Variants in SLC19A1 observed in about 807,000 individuals in gnomAD.
The protein encoded by SLC19A1 is solute carrier family 19 member 1, also known as reduced folate transporter.
A neutral mutation model predicts 35.3 loss-of-function variants in SLC19A1; 37 were observed. The observed-to-expected ratio is 1.05, with a 90% CI of 0.81 to 1.38. The LOEUF is 1.38. SLC19A1 is among the 40% of genes most tolerant of loss of function. SLC19A1 has a pLI of 0.00. For missense variants in SLC19A1, 831 were observed against 826.9 expected (o/e 1.00, Z -0.06); for synonymous variants, 460 against 398.5 (o/e 1.15, Z -1.84).
chr21:45,528,109 CA>C (rs2077712638), intron 4 of SLC19A1, among the ~76,000 whole-genome samples: 2 of 150,312 alleles, frequency 1.3e-5, no homozygotes, highest in Non-Finnish European at 3.0e-5. Flanking sequence ...GGCAGGCAGG[CA>C]GGCCGGCAGC....
chr21:45,506,311 G>GCC lies in SLC19A1; in HGVS notation c.498-7701_498-7700dup, dbSNP rs1390286743. 130 of 368,486 alleles carry GCC rather than the reference G, an allele frequency of 3.5e-4. 1 individual carries two copies. The East Asian group carries it at 8.7e-3, about 25-fold the overall frequency. 22.8% of individuals were successfully genotyped at this position (368,486 alleles called of 1,614,324 possible). ...GGGACGAGGCGGCAGGGGGGCTCAG[G>GCC]CCCTCCAGGGCCACGTGACGTCCAC... On this transcript the variant is annotated intron_variant, in intron 3 of 4. Coordinates refer to the SLC19A1 transcript ENST00000417954.
At chr21:45,503,178 G>C (rs1356274501) in intron 3 of SLC19A1, among the ~76,000 whole-genome samples, 1 of 152,164 alleles carries the variant, frequency 6.6e-6, no homozygotes, top group East Asian at 1.9e-4. Flanking sequence ...CTAGTTTACA[G>C]TCCCACCAAC....
rs58836581 is a variant in SLC19A1, at chr21:45,515,870, C to T, written c.1564G>A (p.Asp522Asn). ...GPASLEQRQS[D>N]PYLAQAPAPQ... ...GCCGGGGCCTGGGCCAGGTATGGGT[C>T]GCTCTGTCTCTGCTCCAGGGAGGCT... is the stretch of plus-strand genomic sequence containing the variant. Residue 522 changes from aspartate to asparagine, a missense_variant, in exon 6 of 6, where the codon GAC becomes AAC. Coordinates refer to ENST00000311124, the MANE Select transcript of SLC19A1 (RefSeq NM_194255.4). The T allele has an allele frequency of 2.7e-4, 421 of 1,580,390 alleles. 1 individual carries two copies. Among genetic ancestry groups the T allele is most frequent in the African/African-American group, 2.4e-3 (182 of 74,292 alleles).
In SLC19A1 at chr21:45,534,392, G is replaced by C; in HGVS notation, c.190-2244C>G. Reference sequence around the variant, plus strand: ...CCCCCAGACACAGGAGGCTGCGTGGGGGCATGACAGCCCCAGCCCCTGGCC... The same window carrying C: ...CCCCCAGACACAGGAGGCTGCGTGGCGGCATGACAGCCCCAGCCCCTGGCC... On this transcript the variant is annotated intron_variant, in intron 2 of 5. Coordinates refer to ENST00000311124, the MANE Select transcript of SLC19A1 (RefSeq NM_194255.4). The surrounding 1 kb of genome is among the most constrained non-coding windows in gnomAD (Gnocchi z 4.2). 2 of 658,742 alleles carry C rather than the reference G, an allele frequency of 3.0e-6. No homozygotes were observed. Among genetic ancestry groups the C allele is most frequent in the Non-Finnish European group, 5.2e-6 (2 of 385,376 alleles). 40.8% of individuals were successfully genotyped at this position (658,742 alleles called of 1,614,324 possible).
rs771218061 is a variant in SLC19A1, at chr21:45,504,468, C to CT, written c.498-5857_498-5856insA. The CT allele has an allele frequency of 9.3e-6, 15 of 1,609,458 alleles. No individual in the cohort carries two copies. The highest frequency in any genetic ancestry group is 1.3e-5 in the African/African-American group (1 of 74,662). ...GGACAGAAAGGCGAAAGGGGGGAGC[C>CT]CGGGGGCGGCGGTTTCTTCGGCTCC... On this transcript the variant is annotated intron_variant, in intron 3 of 4. Transcript: ENST00000417954.
In SLC19A1 at chr21:45,515,893, G is replaced by T. The variant is rs370343074; in HGVS notation, c.1541C>A (p.Ala514Asp). The T allele has an allele frequency of 1.3e-6, 2 of 1,559,866 alleles. No homozygotes were observed. Among genetic ancestry groups the T allele is most frequent in the African/African-American group, 2.7e-5 (2 of 73,474 alleles). The change falls in exon 6 of 6, where the codon GCC becomes GAC. Residue 514 changes from alanine (A) to aspartate (D), a missense_variant. Physicochemically the swap from Ala to Asp is moderately radical, Grantham distance 126. Transcript: ENST00000311124. The part of the protein sequence containing the change: ...PEDSLGAVGP[A>D]SLEQRQSDPY... The stretch of plus-strand genomic sequence containing the variant: ...GTCGCTCTGTCTCTGCTCCAGGGAG[G>T]CTGGCCCCACAGCCCCCAGGCTGTC...
chr21:45,511,113 C>T (rs747253925), downstream of SLC19A1: 107 of 1,541,374 alleles, frequency 6.9e-5, no homozygotes, highest in African/African-American at 3.9e-4. Context: ...TCTTCCAGGA[C>T]GAGCTGCTGT....
chr21:45,539,684 A>G (rs2078242896), intron 1 of SLC19A1, among the ~76,000 whole-genome samples: 1 of 152,190 alleles, frequency 6.6e-6, no homozygotes, highest in South Asian at 2.1e-4. Flanking sequence ...CCAGAGAGAG[A>G]GACCCTCCCC....
At chr21:45,558,515 G>A (rs1185071431) in intron 1 of SLC19A1, among the ~76,000 whole-genome samples, 2 of 152,260 alleles carry the variant, frequency 1.3e-5, no homozygotes, top group Admixed American at 6.5e-5. Context: ...GTGGGGCTGT[G>A]ACCAGGCTGC....
At chr21:45,556,425 C>T (rs1265981047) in intron 1 of SLC19A1, among the ~76,000 whole-genome samples, 2 of 152,236 alleles carry the variant, frequency 1.3e-5, no homozygotes, top group Non-Finnish European at 2.9e-5. Context: ...CCACCAGCGC[C>T]CGGGCTTGGG....
intron 4 of SLC19A1, among the ~76,000 whole-genome samples, chr21:45,529,550 G>T (rs1182668485): frequency 1.3e-5 from 2 of 152,152 alleles, no homozygotes; most frequent in African/African-American, 4.8e-5. Context: ...AGTGTGTGTG[G>T]TCTGAGTATG....
At chr21:45,552,485 G>A (rs1400058440) in intron 1 of SLC19A1, among the ~76,000 whole-genome samples, 1 of 152,170 alleles carries the variant, frequency 6.6e-6, no homozygotes, top group Non-Finnish European at 1.5e-5. Flanking sequence ...GGAGGCTCAG[G>A]CCAGGCCAGG....
At chr21:45,559,627 G>A (rs962745917) in intron 1 of SLC19A1, among the ~76,000 whole-genome samples, 2 of 152,202 alleles carry the variant, frequency 1.3e-5, no homozygotes, top group South Asian at 2.1e-4. Context: ...AGCCCGGGGC[G>A]TGCGGATGGA....
downstream of SLC19A1, chr21:45,512,471 C>A: frequency 7.0e-7 from 1 of 1,428,524 alleles, no homozygotes; most frequent in Non-Finnish European, 9.6e-7. Flanking sequence ...CAGGGAGCGG[C>A]CGGCCAGCCC....
At chr21:45,558,828 G>A (rs1289053872) in intron 1 of SLC19A1, among the ~76,000 whole-genome samples, 2 of 123,128 alleles carry the variant, frequency 1.6e-5, no homozygotes, top group South Asian at 2.6e-4. Flanking sequence ...TTTTTTTTTT[G>A]AGGTGGAGTC....
chr21:45,516,037 T>TGCCGCGGGTGGTG lies in SLC19A1; in HGVS notation c.1384_1396dup (p.Gln466ProfsTer74). The TGCCGCGGGTGGTG allele has an allele frequency of 6.3e-7, 1 of 1,580,754 alleles. No homozygotes were observed. The highest frequency in any genetic ancestry group is 8.6e-7 in the Non-Finnish European group (1 of 1,165,056). On this transcript the variant is annotated frameshift_variant, in exon 6 of 6. Coordinates refer to ENST00000311124, the MANE Select transcript of SLC19A1 (RefSeq NM_194255.4). LOFTEE classifies it low-confidence loss of function (END_TRUNC). ...ACTCCTCAGGCCCTGGGCCGGGGGC[T>TGCCGCGGGTGGTG]GCCGCGGGTGGTGGCCCCGCTGGCA...
chr21:45,541,131 C>G (rs990659080), intron 1 of SLC19A1, among the ~76,000 whole-genome samples: 1 of 152,200 alleles, frequency 6.6e-6, no homozygotes, highest in Non-Finnish European at 1.5e-5. Flanking sequence ...GCTGCAGGCC[C>G]AAACACCCGA....
rs779347245 is a variant in SLC19A1, at chr21:45,555,160, C to CGCA, written c.-50+7581_-50+7582insTGC. On this transcript the variant is annotated intron_variant, in intron 1 of 5. Coordinates refer to the SLC19A1 transcript ENST00000650808. The stretch of plus-strand genomic sequence containing the variant: ...ACGCAGGGGGCGGTGCAGGGGGCGG[C>CGCA]GGGGGCGGCGCAGGGGGCGGTGCAG... 4.1e-3 allele frequency among the ~76,000 whole-genome samples: 172 copies of CGCA among 41,784 alleles called. 2 individuals are homozygous for CGCA. The highest frequency in any genetic ancestry group is 0.014 in the African/African-American group (108 of 7,490). 27.4% of individuals were successfully genotyped at this position (41,784 alleles called of 152,430 possible).
At chr21:45,527,300 C>A (rs1163783542) in intron 4 of SLC19A1, among the ~76,000 whole-genome samples, 8 of 142,394 alleles carry the variant, frequency 5.6e-5, no homozygotes, top group South Asian at 2.2e-4. Flanking sequence ...TATGCCCGGG[C>A]AGGCCCTGGA....
Sources: gnomAD v4.1 joint callset for allele counts (sites outside exome capture counted in the v4.1 genomes callset) on GRCh38, gnomAD v4.1.1 for gene constraint, Gnocchi (gnomAD v3.1) non-coding constraint, MANE v1.5 for transcripts, NCBI Gene and HGNC (gene_info 2026-07-23, HGNC 2026-07-21) for gene names.